BNC2: variants seen among roughly 807,000 people sequenced by gnomAD.
BNC2 encodes the protein basonuclin zinc finger protein 2, also known as zinc finger protein basonuclin-2.
In BNC2, 20 loss-of-function variants were observed where a neutral mutation model predicts 76.3. The observed-to-expected ratio is 0.26, with a 90% CI of 0.18 to 0.38. The LOEUF is 0.38. Among genes scored for constraint, BNC2 ranks in the 10% least tolerant of loss-of-function variants. The pLI is 1.00. For missense variants in BNC2, 1,382 were observed against 1,399.8 expected, an observed-to-expected ratio of 0.99 and a Z score of 0.20; for synonymous variants, 582 against 514.8, an observed-to-expected ratio of 1.13 and a Z score of -1.77.
intron 1 of BNC2, among the ~76,000 whole-genome samples, chr9:16,868,764 C>G (rs1339823914): frequency 6.6e-6 from 1 of 151,986 alleles, no homozygotes; most frequent in Non-Finnish European, 1.5e-5. Flanking sequence ...AAATATAAAA[C>G]ACAGATACTC....
At chr9:16,544,239 T>A (rs918658638) in intron 5 of BNC2, among the ~76,000 whole-genome samples, 7 of 152,138 alleles carry the variant, frequency 4.6e-5, no homozygotes, top group Non-Finnish European at 7.4e-5. Context: ...ATAAATCAAT[T>A]TTTTTTGCTA....
At chr9:16,818,379 G>C (rs1337560309) in intron 1 of BNC2, among the ~76,000 whole-genome samples, 3 of 152,148 alleles carry the variant, frequency 2.0e-5, no homozygotes, top group Non-Finnish European at 4.4e-5. Flanking sequence ...ACTCCAGCCT[G>C]GGCAACAAAG....
chr9:16,429,922 G>C (rs114187113), intron 6 of BNC2: 3 of 513,346 alleles, frequency 5.8e-6, no homozygotes, highest in African/African-American at 1.9e-5. Context: ...AGGAAGATCC[G>C]AGGCTCACTT....
intron 5 of BNC2, among the ~76,000 whole-genome samples, chr9:16,531,953 C>T (rs1378519662): frequency 1.3e-5 from 2 of 152,018 alleles, no homozygotes; most frequent in Non-Finnish European, 2.9e-5. Flanking sequence ...AAAATTCTGC[C>T]ATTTGTTGCA....
At chr9:16,569,441 C>T (rs1342708365) in intron 4 of BNC2, among the ~76,000 whole-genome samples, 1 of 152,060 alleles carries the variant, frequency 6.6e-6, no homozygotes, top group Admixed American at 6.6e-5. Context: ...CACAATTAGT[C>T]CAGGGTAGAC....
At chr9:16,553,874 G>C (rs900811900) in intron 4 of BNC2, among the ~76,000 whole-genome samples, 17 of 152,272 alleles carry the variant, frequency 1.1e-4, no homozygotes, top group African/African-American at 2.9e-4. Flanking sequence ...AAGAGATGCT[G>C]CAAAGATTAG....
intron 3 of BNC2, among the ~76,000 whole-genome samples, chr9:16,678,261 C>CTTTCTCTTTTTT (rs1473647913): frequency 7.9e-5 from 6 of 75,888 alleles, no homozygotes; most frequent in Middle Eastern, 7.4e-3. Context: ...TGTTTTCTTT[C>CTTTCTCTTTTTT]TTTTTCTTTT....
intron 5 of BNC2, among the ~76,000 whole-genome samples, chr9:16,525,125 A>G (rs1396639861): frequency 6.6e-6 from 1 of 151,706 alleles, no homozygotes; most frequent in African/African-American, 2.4e-5. Context: ...ACTACATAAA[A>G]TACTAGTAGA....
intron 3 of BNC2, among the ~76,000 whole-genome samples, chr9:16,710,808 A>G (rs1384136601): frequency 2.6e-5 from 4 of 151,930 alleles, no homozygotes; most frequent in South Asian, 2.1e-4. Context: ...TCAGTGACAT[A>G]TAATACCCAG....
intron 1 of BNC2, among the ~76,000 whole-genome samples, chr9:16,810,375 G>A (rs377406095): frequency 6.6e-5 from 10 of 152,270 alleles, no homozygotes; most frequent in African/African-American, 2.4e-4. Flanking sequence ...CCAAGGAGTC[G>A]TGAAAAGACC....
intron 1 of BNC2, among the ~76,000 whole-genome samples, chr9:16,863,304 C>T (rs1214069487): frequency 6.6e-6 from 1 of 152,198 alleles, no homozygotes; most frequent in Non-Finnish European, 1.5e-5. Flanking sequence ...TTTAGCATCC[C>T]ACCTGGGGGA....
chr9:16,847,070 A>G (rs1007869968), intron 1 of BNC2, among the ~76,000 whole-genome samples: 1 of 152,218 alleles, frequency 6.6e-6, no homozygotes, highest in Non-Finnish European at 1.5e-5. Context: ...TGCATGGTAG[A>G]AAATGATCTC....
At chr9:16,779,145 G>GA (rs1554729038) in intron 1 of BNC2, among the ~76,000 whole-genome samples, 9 of 131,190 alleles carry the variant, frequency 6.9e-5, no homozygotes, top group African/African-American at 2.0e-4. Context: ...GAAAAGAAAA[G>GA]AAAAAAAAAC....
chr9:16,689,736 T>C (rs1175810847), intron 3 of BNC2, among the ~76,000 whole-genome samples: 1 of 151,464 alleles, frequency 6.6e-6, no homozygotes, highest in East Asian at 1.9e-4. Context: ...CACTGCCGGA[T>C]TCCAAGCCAA....
At chr9:16,609,375 G>A (rs1417620203) in intron 3 of BNC2, among the ~76,000 whole-genome samples, 3 of 152,092 alleles carry the variant, frequency 2.0e-5, no homozygotes, top group African/African-American at 7.2e-5. Flanking sequence ...AAGAGAAGGC[G>A]CACCAACCTA....
intron 1 of BNC2, among the ~76,000 whole-genome samples, chr9:16,830,508 A>G (rs1818556063): frequency 6.6e-6 from 1 of 152,222 alleles, no homozygotes; most frequent in African/African-American, 2.4e-5. Flanking sequence ...AAAATATTCT[A>G]TACTGAAACA....
intron 3 of BNC2, among the ~76,000 whole-genome samples, chr9:16,687,966 C>G (rs1400480008): frequency 6.6e-6 from 1 of 152,114 alleles, no homozygotes; most frequent in East Asian, 1.9e-4. Flanking sequence ...CAATCATAAT[C>G]ACAAAAAGGA....
At chr9:16,520,019 CCTT>C (rs1252399460) in intron 5 of BNC2, among the ~76,000 whole-genome samples, 1 of 152,176 alleles carries the variant, frequency 6.6e-6, no homozygotes, top group Non-Finnish European at 1.5e-5. Context: ...CTTTAAGAAT[CCTT>C]CTTGAGAAAC....
intron 3 of BNC2, among the ~76,000 whole-genome samples, chr9:16,604,023 T>C (rs1010246113): frequency 6.6e-6 from 1 of 152,188 alleles, no homozygotes; most frequent in Non-Finnish European, 1.5e-5. Context: ...TGAGTTTGTA[T>C]ACTAAATAAC....
Sources: allele counts gnomAD v4.1 joint callset (sites outside exome capture counted in the v4.1 genomes callset), GRCh38; gene constraint gnomAD v4.1.1; transcripts MANE v1.5; gene names NCBI Gene and HGNC (gene_info 2026-07-23, HGNC 2026-07-21).